MYH9: variants seen among roughly 807,000 people sequenced by gnomAD.
MYH9 encodes the protein myosin heavy chain 9.
A neutral mutation model predicts 241.9 loss-of-function variants in MYH9; 29 were observed. The observed-to-expected ratio is 0.12, with a 90% CI of 0.09 to 0.16. The LOEUF is 0.16. Ranked by LOEUF, MYH9 falls within the 10% of genes least tolerant of loss-of-function variation. The pLI is 1.00. For synonymous variants in MYH9, 1,047 were observed against 1,062.6 expected (o/e 0.99, Z 0.29); for missense variants, 1,803 against 2,595.5 (o/e 0.69, Z 6.63).
intron 12 of MYH9, 106 bp from the exon 13 acceptor site, chr22:36,314,424 T>G (rs1172280734): frequency 7.2e-6 from 10 of 1,385,070 alleles, no homozygotes; most frequent in Admixed American, 5.6e-5. Flanking sequence ...AGGGCCTCCT[T>G]GGGCACCTCC....
intron 3 of MYH9, among the ~76,000 whole-genome samples, chr22:36,337,864 C>A (rs1005160468): frequency 3.3e-5 from 5 of 152,164 alleles, no homozygotes; most frequent in African/African-American, 1.2e-4. Context: ...GGATATTTTT[C>A]TTTTACTAGT....
At chr22:36,290,362 A>T (rs150925426) in intron 31 of MYH9, among the ~76,000 whole-genome samples, 1 of 150,374 alleles carries the variant, frequency 6.7e-6, no homozygotes, top group Non-Finnish European at 1.5e-5. Context: ...AAAAAAACCC[A>T]AACTATTTTA....
chr22:36,303,295 G>C (rs895026777), intron 19 of MYH9, among the ~76,000 whole-genome samples: 1 of 152,008 alleles, frequency 6.6e-6, no homozygotes, highest in Non-Finnish European at 1.5e-5. Flanking sequence ...ATTCCCCAGG[G>C]AGTCAAAGAT....
At chr22:36,302,367 G>A (rs1464523542) in intron 20 of MYH9, 2 of 529,446 alleles carry the variant, frequency 3.8e-6, no homozygotes, top group Non-Finnish European at 7.0e-6. Context: ...ATCAAAAAGG[G>A]CCGGGCACAG....
Position 36,304,170 on chromosome 22 carries a change from C to A in MYH9, c.2230-15G>T. On this transcript the variant is annotated splice_polypyrimidine_tract_variant and intron_variant, in intron 18 of 40. Coordinates refer to ENST00000216181, the MANE Select transcript of MYH9 (RefSeq NM_002473.6). Reference sequence around the variant, plus strand: ...AGGGCTTTTATCTAGGTGGGAGGAGCAGGCCGTTTACCTGGCCAGCAACTG... The same window carrying A: ...AGGGCTTTTATCTAGGTGGGAGGAGAAGGCCGTTTACCTGGCCAGCAACTG... 6.2e-7 allele frequency: 1 copy of A among 1,613,106 alleles called. No individual in the cohort carries two copies. Among genetic ancestry groups the A allele is most frequent in the Non-Finnish European group, 8.5e-7 (1 of 1,179,980 alleles).
At chr22:36,363,723 G>A (rs1467229660) in intron 1 of MYH9, among the ~76,000 whole-genome samples, 1 of 152,184 alleles carries the variant, frequency 6.6e-6, no homozygotes, top group Non-Finnish European at 1.5e-5. Flanking sequence ...GGTATGGTGG[G>A]GACGTCCCCT....
Position 36,306,561 on chromosome 22 carries a change from G to A in MYH9, c.1890C>T (p.Thr630=), listed in dbSNP as rs762239398. ...GLDQVAGMSE[T]ALPGAFKTRK... ...GCGTCTTGAAGGCCCCGGGCAGTGC[G>A]GTCTCCGACATGCCGGCCACCTGGT... Residue 630 remains threonine, a synonymous_variant, in exon 16 of 41, where the codon ACC becomes ACT. Coordinates refer to ENST00000216181, the MANE Select transcript of MYH9 (RefSeq NM_002473.6). The surrounding 1 kb of genome is among the most constrained non-coding windows in gnomAD (Gnocchi z 4.1). 5.8e-5 allele frequency: 94 copies of A among 1,613,830 alleles called. 2 individuals carry two copies. In the Middle Eastern group the frequency reaches 1.2e-3, roughly 20 times the overall value.
intron 11 of MYH9, 45 bp downstream of exon 11, chr22:36,318,162 A>C: frequency 1.3e-6 from 2 of 1,542,822 alleles, no homozygotes; most frequent in Non-Finnish European, 1.8e-6. Flanking sequence ...CTGCAGGGAC[A>C]TTCACCCAGG....
intron 1 of MYH9, among the ~76,000 whole-genome samples, chr22:36,368,095 C>G (rs1345730603): frequency 1.3e-5 from 2 of 152,242 alleles, no homozygotes; most frequent in Non-Finnish European, 2.9e-5. Context: ...GCGCTGGATT[C>G]TCCTCACTGG....
chr22:36,292,281 C>T, intron 30 of MYH9, 47 bp from the exon 31 acceptor site: 1 of 1,610,716 alleles, frequency 6.2e-7, no homozygotes, highest in South Asian at 1.1e-5. Flanking sequence ...GGCACCTGCT[C>T]AGGTGGCACA....
chr22:36,377,417 TA>T (rs925800342), intron 1 of MYH9, among the ~76,000 whole-genome samples: 58 of 146,016 alleles, frequency 4.0e-4, no homozygotes, highest in Middle Eastern at 3.5e-3. Context: ...ACAGCCTTTC[TA>T]AAAAAAAAAA....
At chr22:36,308,270 A>AT (rs59819767) in intron 15 of MYH9, among the ~76,000 whole-genome samples, 1,873 of 143,616 alleles carry the variant, frequency 0.013, 13 homozygotes, top group Middle Eastern at 0.054. Context: ...CTGTTTTAAG[A>AT]TTTTTTTTTT....
chr22:36,385,703 A>C (rs1194534265), intron 1 of MYH9, among the ~76,000 whole-genome samples: 1 of 152,166 alleles, frequency 6.6e-6, no homozygotes, highest in Non-Finnish European at 1.5e-5. Flanking sequence ...CCGGCTCTCC[A>C]GACACCTGGC....
intron 10 of MYH9, 61 bp from the exon 11 acceptor site, chr22:36,318,386 G>C (rs1298764192): frequency 7.6e-7 from 1 of 1,311,708 alleles, no homozygotes; most frequent in East Asian, 2.3e-5. Flanking sequence ...AAGAGAGAAA[G>C]TTCTAATTAG....
At chr22:36,298,175 C>T (rs950820497) in intron 24 of MYH9, among the ~76,000 whole-genome samples, 1 of 152,118 alleles carries the variant, frequency 6.6e-6, no homozygotes, top group African/African-American at 2.4e-5. Context: ...ATAATCCTCC[C>T]GGTGGTCAGG....
chr22:36,298,297 A>G (rs1226652253), intron 24 of MYH9, among the ~76,000 whole-genome samples: 1 of 152,122 alleles, frequency 6.6e-6, no homozygotes, highest in Non-Finnish European at 1.5e-5. Flanking sequence ...GTCCTCAGAC[A>G]GCCACGGACC....
rs1359045206 is a variant in MYH9, at chr22:36,306,642, A to T, written c.1844-35T>A. ...CCACAGAGAACACGTGAGTGCCCAC[A>T]CAGTTGCAGCTGGGTGGTGGGGGAG... On this transcript the variant is annotated intron_variant, in intron 15 of 40. Coordinates refer to ENST00000216181, the MANE Select transcript of MYH9 (RefSeq NM_002473.6). The surrounding 1 kb of genome is among the most constrained non-coding windows in gnomAD (Gnocchi z 4.1). 1 of 1,593,096 alleles carries T rather than the reference A, an allele frequency of 6.3e-7. No individual in the cohort carries two copies. Among genetic ancestry groups the T allele is most frequent in the Non-Finnish European group, 8.6e-7 (1 of 1,168,866 alleles).
intron 4 of MYH9, 114 bp downstream of exon 4, chr22:36,327,347 T>A: frequency 7.9e-7 from 1 of 1,271,302 alleles, no homozygotes; most frequent in Non-Finnish European, 1.1e-6. Flanking sequence ...AGGAGGGGCC[T>A]TGAATTGGGA....
chr22:36,290,000 G>A (rs1007787608), intron 31 of MYH9, among the ~76,000 whole-genome samples: 4 of 152,116 alleles, frequency 2.6e-5, no homozygotes, highest in Admixed American at 6.6e-5. Context: ...TGCAGGGGCC[G>A]GATCCGGCTA....
Sources: gnomAD v4.1 joint callset for allele counts (sites outside exome capture counted in the v4.1 genomes callset) on GRCh38, gnomAD v4.1.1 for gene constraint, Gnocchi (gnomAD v3.1) non-coding constraint, MANE v1.5 for transcripts, NCBI Gene and HGNC (gene_info 2026-07-23, HGNC 2026-07-21) for gene names.